Variants in CUX1 observed in about 807,000 individuals in gnomAD.
CUX1 encodes the protein protein CASP.
In CUX1, 31 loss-of-function variants were observed where a neutral mutation model predicts 158.8. The observed-to-expected ratio is 0.20, with a 90% CI of 0.15 to 0.26. CUX1 has a LOEUF of 0.26. Ranked by LOEUF, CUX1 falls within the 10% of genes least tolerant of loss-of-function variation. The probability of loss-of-function intolerance (pLI) is 1.00; values close to 1 mark genes in which losing one functional copy is unlikely to be tolerated. For synonymous variants in CUX1, 879 were observed against 862.1 expected (o/e 1.02, Z -0.34); for missense variants, 1,589 against 2,014.6 (o/e 0.79, Z 4.04).
intron 3 of CUX1, among the ~76,000 whole-genome samples, chr7:102,063,166 T>A (rs916229657): frequency 5.3e-5 from 8 of 151,476 alleles, no homozygotes; most frequent in African/African-American, 1.9e-4. Context: ...ATGAAAGTGA[T>A]GTTGCTGAAA....
intron 1 of CUX1, among the ~76,000 whole-genome samples, chr7:101,900,018 C>G (rs974595552): frequency 6.6e-6 from 1 of 152,202 alleles, no homozygotes; most frequent in Non-Finnish European, 1.5e-5. Context: ...TTTACAGAGT[C>G]TAAGTTAAAG....
rs1794861171 is a variant in CUX1 at position 102,196,924 on chromosome 7, A to G, written c.1513A>G (p.Met505Val). The G allele has an allele frequency of 1.2e-6, 2 of 1,614,210 alleles. No individual in the cohort carries two copies. The highest frequency in any genetic ancestry group is 1.7e-6 in the Non-Finnish European group (2 of 1,180,038). Residue 505 changes from methionine (M) to valine (V), a missense_variant, in exon 15 of 24, where the codon ATG (methionine) becomes GTG (valine). Met to Val is a conservative substitution (Grantham distance 21). This residue lies in a region of CUX1 where 515 missense variants were observed against 574.4 expected (regional missense o/e 0.90). Transcript: ENST00000292535. The stretch of plus-strand genomic sequence containing the variant: ...TATGCAGGAAGCCGGAAGCACAAGC[A>G]TGATTTTTTCAACAGGTCCATACAG... ...KAMQEAGSTS[M>V]IFSTGPYSTN...
chr7:101,988,098 G>C (rs1814562467), intron 2 of CUX1, among the ~76,000 whole-genome samples: 1 of 152,178 alleles, frequency 6.6e-6, no homozygotes, highest in Non-Finnish European at 1.5e-5. Context: ...TGTAATCCCA[G>C]CTACTTGGGA....
chr7:102,113,307 C>T (rs1180156336), intron 7 of CUX1, among the ~76,000 whole-genome samples: 13 of 152,112 alleles, frequency 8.5e-5, no homozygotes, highest in African/African-American at 7.2e-5. Context: ...GGCACAATCT[C>T]GGCTCACTGC....
Position 102,251,507 on chromosome 7 carries a change from G to A in CUX1, c.*2465G>A, listed in dbSNP as rs1801499131. The stretch of plus-strand genomic sequence containing the variant: ...GTTTTCAGAAGGCTCTAGGGGGCTG[G>A]GAGGCAGGCTGTTCGTTTGTCTTTT... On this transcript the variant is annotated 3_prime_UTR_variant, in exon 24 of 24. Coordinates refer to ENST00000292535, the MANE Select transcript of CUX1 (RefSeq NM_181552.4). 1 of 985,284 alleles carries A rather than the reference G, an allele frequency of 1.0e-6. No homozygotes were observed. The highest frequency in any genetic ancestry group is 1.7e-5 in the African/African-American group (1 of 57,236). 61.0% of individuals were successfully genotyped at this position (985,284 alleles called of 1,614,324 possible). A position where few individuals can be genotyped will look rare whatever the true frequency, so the allele number is the denominator to read the frequency against.
At chr7:102,209,202 C>T (rs574101537) in intron 20 of CUX1, among the ~76,000 whole-genome samples, 2 of 152,274 alleles carry the variant, frequency 1.3e-5, no homozygotes, top group South Asian at 2.1e-4. Flanking sequence ...TCTGTCCTTC[C>T]GTTTTCCTTA....
At chr7:102,151,744 A>C (rs1022927912) in intron 8 of CUX1, among the ~76,000 whole-genome samples, 15 of 148,062 alleles carry the variant, frequency 1.0e-4, no homozygotes, top group Non-Finnish European at 2.2e-4. Flanking sequence ...AAAAAAAAAA[A>C]AAAAAAAAAA....
chr7:102,244,586 T>C (rs1800607042), intron 23 of CUX1, among the ~76,000 whole-genome samples: 1 of 151,982 alleles, frequency 6.6e-6, no homozygotes, highest in Non-Finnish European at 1.5e-5. Flanking sequence ...TCCCAGCTAC[T>C]CAGGAGGCTG....
intron 8 of CUX1, among the ~76,000 whole-genome samples, chr7:102,156,336 G>A (rs2131553972): frequency 6.6e-6 from 1 of 152,276 alleles, no homozygotes; most frequent in South Asian, 2.1e-4. Context: ...CCTGGCTCCT[G>A]GCGAGGGCTT....
chr7:101,850,871 A>G (rs764323066), intron 1 of CUX1, among the ~76,000 whole-genome samples: 1 of 152,172 alleles, frequency 6.6e-6, no homozygotes, highest in Admixed American at 6.5e-5. Flanking sequence ...GGCCGAGACA[A>G]AAGGATCACC....
At chr7:102,036,341 G>T (rs1821421079) in intron 3 of CUX1, among the ~76,000 whole-genome samples, 1 of 152,112 alleles carries the variant, frequency 6.6e-6, no homozygotes, top group African/African-American at 2.4e-5. Flanking sequence ...TAATAGTGAA[G>T]ATAATACTGA....
chr7:102,277,920 C>T (rs199988770), intron 17 of CUX1: 13 of 1,117,250 alleles, frequency 1.2e-5, no homozygotes, highest in Middle Eastern at 5.7e-4. Context: ...GCCTCTCCCC[C>T]ACCCCTTTCC....
intron 1 of CUX1, among the ~76,000 whole-genome samples, chr7:101,834,816 T>C (rs1158012594): frequency 1.3e-5 from 2 of 152,164 alleles, no homozygotes; most frequent in South Asian, 4.1e-4. Context: ...CTGGCCAACA[T>C]GGCAAAACCC....
At chr7:101,865,423 T>A (rs1030168175) in intron 1 of CUX1, among the ~76,000 whole-genome samples, 19 of 152,262 alleles carry the variant, frequency 1.2e-4, no homozygotes, top group African/African-American at 2.9e-4. Flanking sequence ...CTAAGTTAAA[T>A]CTTCATTTCT....
intron 2 of CUX1, among the ~76,000 whole-genome samples, chr7:101,980,918 T>G (rs1292903468): frequency 2.0e-5 from 3 of 152,178 alleles, no homozygotes; most frequent in African/African-American, 4.8e-5. Flanking sequence ...TCCTGGGAAC[T>G]TAACTCTAGG....
chr7:101,827,837 AT>A (rs942124350), intron 1 of CUX1, among the ~76,000 whole-genome samples: 79 of 152,146 alleles, frequency 5.2e-4, no homozygotes, highest in African/African-American at 1.9e-3. Flanking sequence ...AAAGGTCCTC[AT>A]TCTCTTTGCC....
At chr7:101,908,994 C>G (rs1376268216) in intron 1 of CUX1, among the ~76,000 whole-genome samples, 1 of 152,168 alleles carries the variant, frequency 6.6e-6, no homozygotes, top group Non-Finnish European at 1.5e-5. Flanking sequence ...GGCTGTAATC[C>G]CAGCACTTAG....
At chr7:102,006,766 G>C (rs756646585) in intron 2 of CUX1, among the ~76,000 whole-genome samples, 13 of 152,206 alleles carry the variant, frequency 8.5e-5, no homozygotes, top group Non-Finnish European at 1.6e-4. Context: ...ATTTCATCTA[G>C]AACAGTTTGT....
chr7:101,979,964 T>C (rs1355467100), intron 2 of CUX1, among the ~76,000 whole-genome samples: 3 of 152,148 alleles, frequency 2.0e-5, no homozygotes, highest in Non-Finnish European at 4.4e-5. Flanking sequence ...GGGTGTTTTA[T>C]TTCTTCGTCT....
Sources: gnomAD v4.1 joint callset for allele counts (sites outside exome capture counted in the v4.1 genomes callset) on GRCh38, gnomAD v4.1.1 for gene constraint, gnomAD v4.1.1 regional missense constraint, MANE v1.5 for transcripts, NCBI Gene and HGNC (gene_info 2026-07-23, HGNC 2026-07-21) for gene names.